The following LMNA variants were observed in gnomAD, a reference collection of about 807,000 sequenced individuals.
The protein encoded by LMNA is lamin.
In LMNA, 20 loss-of-function variants were observed where a neutral mutation model predicts 70.4. That is an observed-to-expected ratio of 0.28 (90% confidence interval 0.20 to 0.41). LMNA has a LOEUF of 0.41. Ranked by LOEUF, LMNA falls within the 10% of genes least tolerant of loss-of-function variation. LMNA has a pLI of 1.00. For synonymous variants in LMNA, 339 were observed against 372.8 expected, an observed-to-expected ratio of 0.91 and a Z score of 1.04; for missense variants, 652 against 917.2, an observed-to-expected ratio of 0.71 and a Z score of 3.73.
chr1:156,132,480 AAATAAATAAAAATAAAAATAAAT>A (rs1395388627), intron 2 of LMNA, among the ~76,000 whole-genome samples: 2 of 151,732 alleles, frequency 1.3e-5, no homozygotes, highest in Non-Finnish European at 2.9e-5. Context: ...AAAAAAACAT[AAATAAATAAAAATAAAAATAAAT>A]AATAAATAAA....
chr1:156,134,455 G>T lies in LMNA; in HGVS notation c.566G>T (p.Arg189Leu). 1.9e-6 allele frequency: 3 copies of T among 1,614,156 alleles called. No homozygotes were observed. Among genetic ancestry groups the T allele is most frequent in the Non-Finnish European group, 2.5e-6 (3 of 1,180,014 alleles). Residue 189 changes from arginine to leucine, a missense_variant, in exon 3 of 12, where the codon CGG becomes CTG. Arg to Leu is a moderately radical substitution (Grantham distance 102). Transcript: ENST00000368300. The surrounding 1 kb of genome is among the most constrained non-coding windows in gnomAD (Gnocchi z 5.3). ...AKKQLQDEML[R>L]RVDAENRLQT... is the part of the protein sequence containing the mutation. ...AAGCAACTTCAGGATGAGATGCTGC[G>T]GCGGGTGGATGCTGAGAACAGGCTG...
chr1:156,119,364 C>T (rs1010878840), intron 1 of LMNA, among the ~76,000 whole-genome samples: 2 of 152,210 alleles, frequency 1.3e-5, no homozygotes, highest in Admixed American at 6.5e-5. Flanking sequence ...GATCCGTCCA[C>T]CTTGGCCTCC....
intron 2 of LMNA, among the ~76,000 whole-genome samples, chr1:156,084,334 GT>G (rs760909044): frequency 0.056 from 3,560 of 63,634 alleles, 341 homozygotes; most frequent in East Asian, 0.12. Flanking sequence ...AGGTCGGGGG[GT>G]GGTGGGGGCA....
intron 3 of LMNA, among the ~76,000 whole-genome samples, chr1:156,106,430 A>G (rs1649347404): frequency 1.3e-5 from 2 of 151,866 alleles, no homozygotes; most frequent in South Asian, 4.1e-4. Flanking sequence ...CCCAGCAACC[A>G]CACACACACA....
chr1:156,138,111 C>T lies in LMNA; in HGVS notation c.1698+368C>T, dbSNP rs555902528. ...TGCATGCATATCCTCTCATTTCCCTCATTTTTCCTGCAAGAATGTTCTCTC... is the reference window on the plus strand; with the variant it reads ...TGCATGCATATCCTCTCATTTCCCTTATTTTTCCTGCAAGAATGTTCTCTC... On this transcript the variant is annotated intron_variant, in intron 10 of 11. Coordinates refer to ENST00000368300, the MANE Select transcript of LMNA (RefSeq NM_170707.4). The surrounding 1 kb of genome is among the most constrained non-coding windows in gnomAD (Gnocchi z 5.5). 14 of 521,952 alleles carry T rather than the reference C, an allele frequency of 2.7e-5. No individual in the cohort carries two copies. The East Asian group carries it at 3.8e-4, about 14-fold the overall frequency. The allele number at this position is 521,952 out of a possible 1,614,324, so 32.3% of individuals were successfully genotyped here. A position where few individuals can be genotyped will look rare whatever the true frequency, so the allele number is the denominator to read the frequency against.
chr1:156,101,101 T>A lies in LMNA; in HGVS notation c.-207+10519T>A, dbSNP rs144104883. ...CCTAGGTCTCGGAGGGCATTACAAGTCAGGTCAAGGAATTTGGACTTATCC... is the reference window on the plus strand; with the variant it reads ...CCTAGGTCTCGGAGGGCATTACAAGACAGGTCAAGGAATTTGGACTTATCC... On this transcript the variant is annotated intron_variant, in intron 3 of 12. Transcript: ENST00000368301. Among the ~76,000 whole-genome samples the A allele has an allele frequency of 2.1e-3, 317 of 152,122 alleles. 2 individuals are homozygous for A. Among genetic ancestry groups the A allele is most frequent in the Non-Finnish European group, 3.5e-3 (236 of 67,968 alleles).
intron 3 of LMNA, among the ~76,000 whole-genome samples, chr1:156,099,110 G>A (rs1431684701): frequency 1.3e-5 from 2 of 152,158 alleles, no homozygotes; most frequent in African/African-American, 4.8e-5. Flanking sequence ...GGCAGGCAAA[G>A]GCTGCCCCAC....
chr1:156,089,722 C>T (rs1331257120), intron 2 of LMNA, among the ~76,000 whole-genome samples: 1 of 152,194 alleles, frequency 6.6e-6, no homozygotes. Flanking sequence ...TTTGCAGGCT[C>T]AGCCTAGGTT....
At chr1:156,133,291 G>A (rs528380941) in intron 2 of LMNA, among the ~76,000 whole-genome samples, 20 of 152,122 alleles carry the variant, frequency 1.3e-4, no homozygotes, top group Non-Finnish European at 2.1e-4. Flanking sequence ...CTAAGCATAC[G>A]GCTGGGTGTG....
At chr1:156,099,648 C>T (rs764998971) in intron 3 of LMNA, among the ~76,000 whole-genome samples, 51 of 151,874 alleles carry the variant, frequency 3.4e-4, no homozygotes, top group African/African-American at 8.7e-4. Context: ...TTTAGGAGGC[C>T]GAGGTGGTGG....
chr1:156,115,174 G>A lies in LMNA; in HGVS notation c.256G>A (p.Gly86Arg). 6.2e-7 allele frequency: 1 copy of A among 1,612,656 alleles called. No individual in the cohort carries two copies. The highest frequency in any genetic ancestry group is 1.3e-5 in the African/African-American group (1 of 75,060). ...GIKAAYEAELGDARKTLDSVA... is the reference protein window; with the variant it reads ...GIKAAYEAELRDARKTLDSVA... ...CAAGGCCGCCTACGAGGCCGAGCTC[G>A]GGGATGCCCGCAAGACCCTTGACTC... is the stretch of plus-strand genomic sequence containing the variant. Residue 86 changes from glycine (G) to arginine (R), a missense_variant, in exon 1 of 12, where the codon GGG becomes AGG. By Grantham distance (125) the Gly-to-Arg change is moderately radical. Around this residue, in one of 4 missense-constraint regions of LMNA, gnomAD observed 254 missense variants for 421.9 expected, o/e 0.60. Transcript: ENST00000368300. The surrounding 1 kb of genome is among the most constrained non-coding windows in gnomAD (Gnocchi z 5.8).
intron 2 of LMNA, among the ~76,000 whole-genome samples, chr1:156,087,860 C>T (rs1648539065): frequency 6.6e-6 from 1 of 151,608 alleles, no homozygotes; most frequent in South Asian, 2.1e-4. Flanking sequence ...GCCTTTCTTT[C>T]CTTTTTTTTC....
intron 3 of LMNA, among the ~76,000 whole-genome samples, chr1:156,101,125 C>G (rs1402304468): frequency 6.6e-6 from 1 of 152,032 alleles, no homozygotes; most frequent in South Asian, 2.1e-4. Context: ...TTGGACTTAT[C>G]CTAAATACAA....
rs752880523 is a variant in LMNA at position 156,136,917 on chromosome 1, G to A, written c.1381-4G>A. The A allele has an allele frequency of 1.2e-6, 2 of 1,612,832 alleles. No homozygotes were observed. The highest frequency in any genetic ancestry group is 2.2e-5 in the South Asian group (2 of 90,834). On this transcript the variant is annotated splice_polypyrimidine_tract_variant and splice_region_variant and intron_variant, in intron 7 of 11. Coordinates refer to ENST00000368300, the MANE Select transcript of LMNA (RefSeq NM_170707.4). The surrounding 1 kb of genome is among the most constrained non-coding windows in gnomAD (Gnocchi z 6.1). Reference sequence around the variant, plus strand: ...GACCTTCCTCTTCCCTATCTTCCCGGCAGGACCAGTCCATGGGCAATTGGC... The same window carrying A: ...GACCTTCCTCTTCCCTATCTTCCCGACAGGACCAGTCCATGGGCAATTGGC...
In LMNA at chr1:156,137,474, G is replaced by C. The variant is rs1414793749; in HGVS notation, c.1609-180G>C. 3.8e-6 allele frequency: 3 copies of C among 780,490 alleles called. No individual in the cohort carries two copies. Among genetic ancestry groups the C allele is most frequent in the Non-Finnish European group, 6.5e-6 (3 of 464,334 alleles). The allele number at this position is 780,490 out of a possible 1,614,324, so 48.3% of individuals were successfully genotyped here. ...AGCCATACTCCTACCCGGAGAGCTT[G>C]ACAGTGTCCCTCTGGGGTGGAAATG... On this transcript the variant is annotated intron_variant, in intron 9 of 11. Transcript: ENST00000368300. This position sits in a 1 kb window ranked among gnomAD's most constrained non-coding sequence, Gnocchi z 4.6.
intron 1 of LMNA, chr1:156,126,945 C>A (rs1333740698): frequency 6.5e-7 from 1 of 1,547,852 alleles, no homozygotes; most frequent in Admixed American, 2.0e-5. Flanking sequence ...CCGACCCCTG[C>A]CCGGGTATTG....
chr1:156,117,178 C>G (rs1201653220), intron 1 of LMNA, among the ~76,000 whole-genome samples: 3 of 151,272 alleles, frequency 2.0e-5, no homozygotes, highest in African/African-American at 7.3e-5. Context: ...GATCCACCTG[C>G]CTCGGCCTCC....
intron 3 of LMNA, among the ~76,000 whole-genome samples, chr1:156,097,188 G>C (rs2102795568): frequency 6.6e-6 from 1 of 152,302 alleles, no homozygotes; most frequent in East Asian, 1.9e-4. Flanking sequence ...GAGAGGAAGG[G>C]GAGGCCCGGT....
upstream of LMNA, among the ~76,000 whole-genome samples, chr1:156,111,914 T>A (rs1408782593): frequency 6.6e-6 from 1 of 152,218 alleles, no homozygotes; most frequent in Non-Finnish European, 1.5e-5. Context: ...GCTTCTGGGT[T>A]GGTGATTTTT....
Sources: allele counts gnomAD v4.1 joint callset (sites outside exome capture counted in the v4.1 genomes callset), GRCh38; gene constraint gnomAD v4.1.1; regional missense constraint gnomAD v4.1.1; non-coding constraint Gnocchi (gnomAD v3.1); transcripts MANE v1.5; gene names NCBI Gene and HGNC (gene_info 2026-07-23, HGNC 2026-07-21).